MID1: variants seen among roughly 807,000 people sequenced by gnomAD.
MID1 encodes the protein E3 ubiquitin-protein ligase Midline-1.
MID1 carries 7 observed loss-of-function variants against 40.4 expected under a neutral mutation model. That is an observed-to-expected ratio of 0.17 (90% CI 0.10 to 0.33). The LOEUF is 0.33. Ranked by LOEUF, MID1 falls within the 10% of genes least tolerant of loss-of-function variation. The probability of loss-of-function intolerance (pLI) is 1.00; values close to 1 mark genes in which losing one functional copy is unlikely to be tolerated. For synonymous variants in MID1, 229 were observed against 221.2 expected (o/e 1.04, Z -0.31); for missense variants, 367 against 558.5 (o/e 0.66, Z 3.46).
At chrX:10,750,761 C>A (rs1024382042) in intron 1 of MID1, among the ~76,000 whole-genome samples, 1 of 111,668 alleles carries the variant, frequency 9.0e-6, no homozygotes, top group Admixed American at 9.5e-5. Flanking sequence ...TTGCTACCCA[C>A]GAAAATCTGA....
intron 1 of MID1, among the ~76,000 whole-genome samples, chrX:10,805,603 G>T (rs1239080001): frequency 2.7e-5 from 2 of 75,105 alleles, no homozygotes; most frequent in Non-Finnish European, 5.0e-5. Flanking sequence ...GGAGGGCTGG[G>T]TCAAATGGTA....
chrX:10,706,858 T>C (rs919378440), intron 1 of MID1, among the ~76,000 whole-genome samples: 1 of 111,855 alleles, frequency 8.9e-6, no homozygotes, highest in Non-Finnish European at 1.9e-5. Context: ...ATTTTCTCAA[T>C]AGAAATATGT....
rs186180557 is a variant in MID1 at position 10,784,176 on chromosome X, G to C, written c.-187+49378C>G. Among the ~76,000 whole-genome samples the C allele has an allele frequency of 4.3e-3, 482 of 111,349 alleles. 2 individuals are homozygous for C. The highest frequency in any genetic ancestry group is 0.015 in the African/African-American group (451 of 30,727). On this transcript the variant is annotated intron_variant, in intron 1 of 10. Transcript: ENST00000380785. ...AATAATTAAGTATATTCTGCCATCA[G>C]TGTAATAAACCTCATTAGATTTTTA... is the stretch of plus-strand genomic sequence containing the variant.
chrX:10,818,734 ATATT>A (rs2044155234), intron 1 of MID1, among the ~76,000 whole-genome samples: 1 of 112,262 alleles, frequency 8.9e-6, no homozygotes, highest in African/African-American at 3.2e-5. Flanking sequence ...GGAGGGGATG[ATATT>A]AGCCAGCATT....
intron 1 of MID1, among the ~76,000 whole-genome samples, chrX:10,613,732 T>TATAG (rs1482081086): frequency 2.1e-3 from 37 of 17,470 alleles, no homozygotes; most frequent in Non-Finnish European, 3.0e-3. Context: ...TATATATATA[T>TATAG]AGAGAGAGAG....
chrX:10,478,803 A>G (rs1444045506), intron 5 of MID1, among the ~76,000 whole-genome samples: 1 of 112,398 alleles, frequency 8.9e-6, no homozygotes, highest in East Asian at 2.8e-4. Flanking sequence ...AACGATGCAG[A>G]AAATCTCATC....
chrX:10,739,872 G>A (rs1189676547), intron 1 of MID1, among the ~76,000 whole-genome samples: 2 of 112,298 alleles, frequency 1.8e-5, no homozygotes, highest in Non-Finnish European at 3.8e-5. Flanking sequence ...TTGTGAGCAT[G>A]TAGCCACAAC....
intron 1 of MID1, among the ~76,000 whole-genome samples, chrX:10,644,129 A>G (rs912605063): frequency 1.8e-5 from 2 of 111,692 alleles, no homozygotes; most frequent in African/African-American, 6.5e-5. Context: ...CGTTGTGCAC[A>G]TGTACCCTAG....
intron 1 of MID1, among the ~76,000 whole-genome samples, chrX:10,812,364 A>G (rs1569176792): frequency 1.8e-5 from 2 of 111,759 alleles, no homozygotes; most frequent in South Asian, 3.8e-4. Context: ...ACAGGTGGAA[A>G]GGAAAGAGAA....
intron 1 of MID1, among the ~76,000 whole-genome samples, chrX:10,756,817 T>C: frequency 8.9e-6 from 1 of 112,102 alleles, no homozygotes; most frequent in Non-Finnish European, 1.9e-5. Flanking sequence ...GATTTCCAGA[T>C]AAGCTAAAAA....
At chrX:10,563,422 T>C (rs1934415519) in intron 2 of MID1, among the ~76,000 whole-genome samples, 1 of 111,619 alleles carries the variant, frequency 9.0e-6, no homozygotes, top group African/African-American at 3.3e-5. Flanking sequence ...ACCTTGTATG[T>C]TGGAACAGAA....
intron 1 of MID1, among the ~76,000 whole-genome samples, chrX:10,590,603 T>C (rs1935272161): frequency 8.9e-6 from 1 of 111,817 alleles, no homozygotes; most frequent in Admixed American, 9.5e-5. Flanking sequence ...CTGCCCAAAA[T>C]ATATGTAAAA....
At chrX:10,828,546 G>A (rs779410369) in intron 1 of MID1, among the ~76,000 whole-genome samples, 1 of 111,686 alleles carries the variant, frequency 9.0e-6, no homozygotes, top group Non-Finnish European at 1.9e-5. Flanking sequence ...CCTTAAAAGG[G>A]GGAAATCTAC....
At chrX:10,786,202 A>C (rs2043881807) in intron 1 of MID1, among the ~76,000 whole-genome samples, 1 of 112,129 alleles carries the variant, frequency 8.9e-6, no homozygotes, top group East Asian at 2.8e-4. Context: ...ATTCAGCCAA[A>C]AGACACATGA....
chrX:10,623,292 A>G (rs868710427), upstream of MID1, among the ~76,000 whole-genome samples: 1 of 100,054 alleles, frequency 1.0e-5, no homozygotes, highest in Admixed American at 1.1e-4. Context: ...AAAGAAAAGA[A>G]AGAGAGAAAG....
At chrX:10,730,312 A>T (rs1013218991) in intron 1 of MID1, among the ~76,000 whole-genome samples, 2 of 110,753 alleles carry the variant, frequency 1.8e-5, no homozygotes, top group Non-Finnish European at 3.8e-5. Context: ...ATCAAGATCT[A>T]ATTTTAAAAG....
intron 1 of MID1, among the ~76,000 whole-genome samples, chrX:10,640,467 G>A (rs1417704097): frequency 0.014 from 1,590 of 110,585 alleles, 45 homozygotes; most frequent in African/African-American, 0.051. Context: ...AGAGCTAACT[G>A]TCCTAAATAT....
chrX:10,469,874 G>A lies in MID1; in HGVS notation c.1142-34C>T, dbSNP rs1220899952. On this transcript the variant is annotated intron_variant, in intron 6 of 9. Coordinates refer to ENST00000317552, the MANE Select transcript of MID1 (RefSeq NM_000381.4). ...GTCAAGAATGCTTATCAGTGGAAAA[G>A]CACACACAACTGGGATACCATTTCA... is the stretch of plus-strand genomic sequence containing the variant. 5 of 1,178,103 alleles carry A rather than the reference G, an allele frequency of 4.2e-6. No homozygotes were observed. The South Asian group carries it at 8.9e-5, about 21-fold the overall frequency.
intron 8 of MID1, 38 bp downstream of exon 8, chrX:10,459,608 A>G (rs1205190052): frequency 8.4e-7 from 1 of 1,190,662 alleles, no homozygotes; most frequent in African/African-American, 1.7e-5. Flanking sequence ...AGAAGAGCAG[A>G]TAAGACATGA....
Sources: allele counts gnomAD v4.1 joint callset (sites outside exome capture counted in the v4.1 genomes callset), GRCh38; gene constraint gnomAD v4.1.1; transcripts MANE v1.5; gene names NCBI Gene and HGNC (gene_info 2026-07-23, HGNC 2026-07-21).